The following GRIK2 variants were observed in gnomAD, a reference collection of about 807,000 sequenced individuals.
The protein encoded by GRIK2 is glutamate receptor ionotropic, kainate 2.
A neutral mutation model predicts 100.3 loss-of-function variants in GRIK2; 32 were observed. That is an observed-to-expected ratio of 0.32 (90% CI 0.24 to 0.43). The LOEUF is 0.43. Ranked by LOEUF, GRIK2 falls within the 20% of genes least tolerant of loss-of-function variation. GRIK2 has a pLI of 1.00. For missense variants in GRIK2, 843 were observed against 1,114.9 expected (o/e 0.76, Z 3.47); for synonymous variants, 417 against 389.4 (o/e 1.07, Z -0.83).
At chr6:101,506,348 C>A (rs1294240567) in intron 2 of GRIK2, among the ~76,000 whole-genome samples, 8 of 152,062 alleles carry the variant, frequency 5.3e-5, no homozygotes, top group Non-Finnish European at 1.2e-4. Flanking sequence ...AAATCCATAT[C>A]CTCCTCATTG....
At chr6:101,810,824 T>C (rs1201328067) in intron 9 of GRIK2, among the ~76,000 whole-genome samples, 1 of 151,982 alleles carries the variant, frequency 6.6e-6, no homozygotes, top group Non-Finnish European at 1.5e-5. Flanking sequence ...TTCCCACTAA[T>C]AGTGAGAAAA....
At chr6:101,447,977 T>C (rs1441312885) in intron 2 of GRIK2, among the ~76,000 whole-genome samples, 1 of 151,708 alleles carries the variant, frequency 6.6e-6, no homozygotes, top group Non-Finnish European at 1.5e-5. Context: ...GCACAGAGTA[T>C]GAGCATGACC....
At chr6:101,880,143 A>G (rs1183645013) in intron 11 of GRIK2, among the ~76,000 whole-genome samples, 1 of 152,052 alleles carries the variant, frequency 6.6e-6, no homozygotes, top group Non-Finnish European at 1.5e-5. Context: ...GGCTATTCTT[A>G]TGTCTAGCTA....
intron 7 of GRIK2, among the ~76,000 whole-genome samples, chr6:101,723,778 T>A (rs1351462578): frequency 6.6e-6 from 1 of 152,036 alleles, no homozygotes; most frequent in Non-Finnish European, 1.5e-5. Flanking sequence ...ACTTCACTGT[T>A]GGGCAACATA....
At chr6:101,858,250 A>G (rs1295247977) in intron 10 of GRIK2, among the ~76,000 whole-genome samples, 1 of 152,016 alleles carries the variant, frequency 6.6e-6, no homozygotes, top group Non-Finnish European at 1.5e-5. Flanking sequence ...TTTATCATGA[A>G]CTTCATGGCT....
chr6:101,420,956 G>A (rs1050286875), intron 2 of GRIK2, among the ~76,000 whole-genome samples: 3 of 152,166 alleles, frequency 2.0e-5, no homozygotes, highest in Admixed American at 1.3e-4. Context: ...AGGGACTGGC[G>A]TGCAGGAAAA....
At chr6:101,529,887 A>G (rs950811490) in intron 2 of GRIK2, among the ~76,000 whole-genome samples, 3 of 152,122 alleles carry the variant, frequency 2.0e-5, no homozygotes, top group African/African-American at 7.2e-5. Context: ...ATTTTTATTA[A>G]CAATTGATTA....
intron 2 of GRIK2, among the ~76,000 whole-genome samples, chr6:101,601,753 T>C (rs1000273675): frequency 3.3e-5 from 5 of 151,932 alleles, no homozygotes; most frequent in Admixed American, 1.3e-4. Flanking sequence ...GGATCTTTTG[T>C]ATTTCTGTGG....
At chr6:102,019,753 C>A (rs937801207) in intron 14 of GRIK2, among the ~76,000 whole-genome samples, 7 of 151,770 alleles carry the variant, frequency 4.6e-5, no homozygotes, top group Non-Finnish European at 1.0e-4. Flanking sequence ...TCTCTTCTAA[C>A]AAATCATCCT....
chr6:101,940,414 A>G (rs757184788), intron 14 of GRIK2, among the ~76,000 whole-genome samples: 12 of 152,272 alleles, frequency 7.9e-5, no homozygotes, highest in Admixed American at 5.2e-4. Flanking sequence ...TGAAACAAGT[A>G]AATCTATTGC....
chr6:101,712,859 G>T (rs975364015), intron 7 of GRIK2, among the ~76,000 whole-genome samples: 3 of 151,656 alleles, frequency 2.0e-5, no homozygotes, highest in African/African-American at 4.8e-5. Context: ...CCACACAAAG[G>T]CACAATCACA....
intron 3 of GRIK2, among the ~76,000 whole-genome samples, chr6:101,624,485 A>T (rs1388179687): frequency 2.6e-5 from 4 of 152,206 alleles, no homozygotes; most frequent in African/African-American, 9.6e-5. Context: ...TGTTCTGACA[A>T]TAATTTACTT....
chr6:101,935,424 G>A (rs1275658674), intron 14 of GRIK2, among the ~76,000 whole-genome samples: 1 of 151,746 alleles, frequency 6.6e-6, no homozygotes. Flanking sequence ...ATGTTCTCAG[G>A]GACCTGAGGA....
intron 2 of GRIK2, among the ~76,000 whole-genome samples, chr6:101,525,260 A>T (rs781141429): frequency 6.6e-6 from 1 of 152,222 alleles, no homozygotes; most frequent in Non-Finnish European, 1.5e-5. Flanking sequence ...ATTCAATTAC[A>T]CAAAAATGAT....
intron 11 of GRIK2, among the ~76,000 whole-genome samples, chr6:101,889,316 GTC>G (rs1323981587): frequency 6.6e-6 from 1 of 151,714 alleles, no homozygotes; most frequent in Non-Finnish European, 1.5e-5. Flanking sequence ...ATTTTGAAAA[GTC>G]TAGTAGCATA....
chr6:101,926,096 C>T (rs1486173572), intron 13 of GRIK2, among the ~76,000 whole-genome samples: 5 of 151,058 alleles, frequency 3.3e-5, no homozygotes, highest in Non-Finnish European at 7.4e-5. Flanking sequence ...TTTACATGAG[C>T]TAACCTAAGT....
At chr6:101,653,977 A>G (rs1171202103) in intron 4 of GRIK2, among the ~76,000 whole-genome samples, 1 of 152,076 alleles carries the variant, frequency 6.6e-6, no homozygotes. Context: ...TCTCATGGTA[A>G]TACTTTTCAT....
intron 2 of GRIK2, among the ~76,000 whole-genome samples, chr6:101,605,351 C>A (rs1259269002): frequency 6.6e-6 from 1 of 151,992 alleles, no homozygotes; most frequent in Non-Finnish European, 1.5e-5. Flanking sequence ...TTACCAAGTG[C>A]TCTGGATTCA....
At chr6:101,907,658 G>A (rs779071749) in intron 12 of GRIK2, among the ~76,000 whole-genome samples, 1 of 151,424 alleles carries the variant, frequency 6.6e-6, no homozygotes, top group Non-Finnish European at 1.5e-5. Flanking sequence ...TGGGTTTTGC[G>A]GTTTTTAAGA....
Sources: allele counts gnomAD v4.1 joint callset (sites outside exome capture counted in the v4.1 genomes callset), GRCh38; gene constraint gnomAD v4.1.1; transcripts MANE v1.5; gene names NCBI Gene and HGNC (gene_info 2026-07-23, HGNC 2026-07-21).